PHYH: variants seen among roughly 807,000 people sequenced by gnomAD.
The protein encoded by PHYH is phytanoyl-CoA dioxygenase, peroxisomal.
A neutral mutation model predicts 38.5 loss-of-function variants in PHYH; 32 were observed. The observed-to-expected ratio is 0.83, with a 90% CI of 0.63 to 1.12. The LOEUF is 1.12. PHYH is among the 50% of genes most tolerant of loss of function. The pLI, the probability that PHYH is intolerant of heterozygous loss-of-function variation, is 0.00. For missense variants in PHYH, 426 were observed against 434.8 expected, an observed-to-expected ratio of 0.98 and a Z score of 0.18; for synonymous variants, 166 against 157.9, an observed-to-expected ratio of 1.05 and a Z score of -0.38.
At chr10:13,292,293 C>A (rs2131646714) in intron 4 of PHYH, among the ~76,000 whole-genome samples, 1 of 152,320 alleles carries the variant, frequency 6.6e-6, no homozygotes, top group African/African-American at 2.4e-5. Context: ...ATACAATTCA[C>A]AGCTGTCATG....
chr10:13,295,390 C>T, intron 3 of PHYH, 106 bp downstream of exon 3: 1 of 734,390 alleles, frequency 1.4e-6, no homozygotes, highest in South Asian at 1.4e-5. Flanking sequence ...CCCAACAAAC[C>T]AAATCATTAA....
intron 5 of PHYH, among the ~76,000 whole-genome samples, chr10:13,290,452 A>T (rs527596745): frequency 6.6e-6 from 1 of 151,976 alleles, no homozygotes; most frequent in Non-Finnish European, 1.5e-5. Flanking sequence ...TCAAGGAGGG[A>T]GAGACCTGGT....
At position 13,295,596 on chromosome 10, in the gene PHYH, C is replaced by A. The variant is rs1835827295; in HGVS notation, c.145G>T (p.Asp49Tyr). The A allele has an allele frequency of 8.7e-7, 1 of 1,154,192 alleles. No homozygotes were observed. The allele number at this position is 1,154,192 out of a possible 1,614,324, so 71.5% of individuals were successfully genotyped here. Residue 49 changes from aspartate (D) to tyrosine (Y), a missense_variant, in exon 3 of 9, where the codon GAT (aspartate) becomes TAT (tyrosine). Coordinates refer to ENST00000263038, the MANE Select transcript of PHYH (RefSeq NM_006214.4). ...TGTTCCAGGGTTAGAACGTTATTATCCAGAGTATACCTAAAGGAGAAAAAG... is the reference window on the plus strand; with the variant it reads ...TGTTCCAGGGTTAGAACGTTATTATACAGAGTATACCTAAAGGAGAAAAAG... ...FHPQQFQYTLDNNVLTLEQRK... is the reference protein window; with the variant it reads ...FHPQQFQYTLYNNVLTLEQRK...
At chr10:13,289,950 AAAAAGAAAAG>A (rs1385421449) in intron 5 of PHYH, among the ~76,000 whole-genome samples, 1 of 149,236 alleles carries the variant, frequency 6.7e-6, no homozygotes, top group Non-Finnish European at 1.5e-5. Context: ...AAAAAAAAAA[AAAAAGAAAAG>A]AAAAAGAAAA....
At chr10:13,291,104 C>CAAAAAAAAAAAA (rs367712215) in intron 5 of PHYH, among the ~76,000 whole-genome samples, 8 of 76,368 alleles carry the variant, frequency 1.0e-4, no homozygotes, top group Admixed American at 1.7e-4. Flanking sequence ...AACTCCATCT[C>CAAAAAAAAAAAA]AAAAAAAAAA....
intron 8 of PHYH, among the ~76,000 whole-genome samples, 154 bp downstream of exon 8, chr10:13,280,822 C>A (rs1407224817): frequency 6.6e-6 from 1 of 152,166 alleles, no homozygotes. Context: ...ATGGAAATTC[C>A]ATTGTCATTT....
In PHYH at chr10:13,280,538, G is replaced by A. The variant is rs568912403; in HGVS notation, c.963+438C>T. ...TTATTTCTTTTTTAGTAGAGATGGA[G>A]TCTCACTGTGTTTCTCAGGCTGGTC... On this transcript the variant is annotated intron_variant, in intron 8 of 8. Coordinates refer to ENST00000263038, the MANE Select transcript of PHYH (RefSeq NM_006214.4). Among the ~76,000 whole-genome samples, 184 of 152,254 alleles carry A rather than the reference G, an allele frequency of 1.2e-3. 4 individuals are homozygous for A. Among genetic ancestry groups the A allele is most frequent in the Middle Eastern group, 0.01 (3 of 294 alleles).
intron 6 of PHYH, among the ~76,000 whole-genome samples, chr10:13,284,748 G>C (rs1025719660): frequency 6.6e-6 from 1 of 152,134 alleles, no homozygotes; most frequent in African/African-American, 2.4e-5. Context: ...TAGGTAATGC[G>C]GTTATGTCTT....
Position 13,288,457 on chromosome 10 carries a change from G to T in PHYH, c.581C>A (p.Thr194Lys), listed in dbSNP as rs141554572. Residue 194 changes from threonine to lysine, a missense_variant, in exon 6 of 9, where the codon ACG becomes AAG. Thr to Lys is a moderately conservative substitution (Grantham distance 78). Transcript: ENST00000263038. ...GTTCCGGCTGATGTGCTCCATCGCC[G>T]TCCAGGCGCAAACGATGAGATCGCT... ...RPSDLIVCAW[T>K]AMEHISRNNG... 2 of 1,614,102 alleles carry T rather than the reference G, an allele frequency of 1.2e-6. No individual in the cohort carries two copies. Among genetic ancestry groups the T allele is most frequent in the African/African-American group, 1.3e-5 (1 of 74,938 alleles).
intron 1 of PHYH, among the ~76,000 whole-genome samples, chr10:13,298,761 A>ACTACTACTG (rs749502976): frequency 2.0e-5 from 2 of 100,294 alleles, no homozygotes; most frequent in Non-Finnish European, 4.3e-5. Context: ...TACTACTACT[A>ACTACTACTG]CTGCTACTAC....
At chr10:13,294,683 G>A in intron 3 of PHYH, 87 bp from the exon 4 acceptor site, 1 of 1,163,202 alleles carries the variant, frequency 8.6e-7, no homozygotes, top group Non-Finnish European at 1.3e-6. Context: ...TTGCAGACTT[G>A]AGGGGTGGTT....
In PHYH at chr10:13,278,733, C is replaced by A. The variant is rs581344; in HGVS notation, c.964-379G>T. Among the ~76,000 whole-genome samples the A allele has an allele frequency of 2.0e-5, 3 of 152,020 alleles. No individual in the cohort carries two copies. In the East Asian group the frequency reaches 5.8e-4, roughly 29 times the overall value. ...TCAGTAGAGACAGGGTTTCGCTACA[C>A]TGGCCAGACTGATCTCAAACTCCTG... On this transcript the variant is annotated intron_variant, in intron 8 of 8. Coordinates refer to ENST00000263038, the MANE Select transcript of PHYH (RefSeq NM_006214.4).
chr10:13,283,189 C>T (rs561525076), intron 7 of PHYH, among the ~76,000 whole-genome samples: 95 of 136,904 alleles, frequency 6.9e-4, no homozygotes, highest in Middle Eastern at 4.7e-3. Flanking sequence ...AGTGCAGTGG[C>T]GCGATCTCGG....
At chr10:13,284,429 A>C (rs1406091665) in intron 6 of PHYH, among the ~76,000 whole-genome samples, 1 of 152,190 alleles carries the variant, frequency 6.6e-6, no homozygotes, top group African/African-American at 2.4e-5. Context: ...TCATGACTGC[A>C]TTATACATGA....
chr10:13,293,614 C>T (rs1835766077), intron 4 of PHYH, among the ~76,000 whole-genome samples: 1 of 151,912 alleles, frequency 6.6e-6, no homozygotes, highest in Non-Finnish European at 1.5e-5. Context: ...GCTCACTTCT[C>T]TTATTCAATC....
chr10:13,291,903 A>G lies in PHYH; in HGVS notation c.424T>C (p.Tyr142His), dbSNP rs1588513935. 1.2e-6 allele frequency: 2 copies of G among 1,602,616 alleles called. No homozygotes were observed. Among genetic ancestry groups the G allele is most frequent in the Non-Finnish European group, 8.5e-7 (1 of 1,171,136 alleles). The change falls in exon 5 of 9, where the codon TAT becomes CAT. Residue 142 changes from tyrosine to histidine, a missense_variant. Coordinates refer to ENST00000263038, the MANE Select transcript of PHYH (RefSeq NM_006214.4). ...RYCTLPEILK[Y>H]VECFTGPNIM... Reference sequence around the variant, plus strand: ...TTAGGTCCAGTGAAGCACTCCACATATTTCAGAATCTAAGAAAGCAAAAAA... The same window carrying G: ...TTAGGTCCAGTGAAGCACTCCACATGTTTCAGAATCTAAGAAAGCAAAAAA...
chr10:13,295,480 A>G lies in PHYH; in HGVS notation c.245+16T>C. ...CAATACATACTATTGTAAAATAACA[A>G]ATAGTGTTACTGTACCGAAAGCGTT... On this transcript the variant is annotated intron_variant, in intron 3 of 8. Coordinates refer to ENST00000263038, the MANE Select transcript of PHYH (RefSeq NM_006214.4). 1 of 1,192,384 alleles carries G rather than the reference A, an allele frequency of 8.4e-7. No individual in the cohort carries two copies. Among genetic ancestry groups the G allele is most frequent in the Non-Finnish European group, 1.3e-6 (1 of 794,528 alleles). 73.9% of individuals were successfully genotyped at this position (1,192,384 alleles called of 1,614,324 possible). A position where few individuals can be genotyped will look rare whatever the true frequency, so the allele number is the denominator to read the frequency against.
At chr10:13,296,437 C>T (rs2131657384) in intron 2 of PHYH, among the ~76,000 whole-genome samples, 1 of 151,740 alleles carries the variant, frequency 6.6e-6, no homozygotes, top group African/African-American at 2.4e-5. Flanking sequence ...ATTAGCGTGC[C>T]TGTAATCCCA....
chr10:13,284,456 T>C (rs567052734), intron 6 of PHYH, among the ~76,000 whole-genome samples: 149 of 152,328 alleles, frequency 9.8e-4, no homozygotes, highest in African/African-American at 3.3e-3. Context: ...AGCTTAGCTT[T>C]GCCTTTTGTG....
Sources: gnomAD v4.1 joint callset for allele counts (sites outside exome capture counted in the v4.1 genomes callset) on GRCh38, gnomAD v4.1.1 for gene constraint, MANE v1.5 for transcripts, NCBI Gene and HGNC (gene_info 2026-07-23, HGNC 2026-07-21) for gene names.